The following RNF182 variants were observed in gnomAD, a reference collection of about 807,000 sequenced individuals.
The protein encoded by RNF182 is E3 ubiquitin-protein ligase RNF182.
In RNF182, 15 loss-of-function variants were observed where a neutral mutation model predicts 14.4. The observed-to-expected ratio is 1.04, with a 90% CI of 0.70 to 1.60. The LOEUF (loss-of-function observed/expected upper bound fraction) is 1.60, where lower values mean the gene tolerates loss of function less well. RNF182 is among the 40% of genes most tolerant of loss of function. The probability of loss-of-function intolerance (pLI) is 0.00; values close to 1 mark genes in which losing one functional copy is unlikely to be tolerated. For synonymous variants in RNF182, 128 were observed against 122.9 expected (o/e 1.04, Z -0.27); for missense variants, 268 against 294.8 (o/e 0.91, Z 0.67).
chr6:13,942,923 C>A (rs1010341671), intron 1 of RNF182, among the ~76,000 whole-genome samples: 1 of 151,992 alleles, frequency 6.6e-6, no homozygotes, highest in Non-Finnish European at 1.5e-5. Flanking sequence ...ACTTATACGC[C>A]ATAAAATTCA....
chr6:13,944,289 C>A (rs1266997667), intron 1 of RNF182, among the ~76,000 whole-genome samples: 1 of 152,156 alleles, frequency 6.6e-6, no homozygotes, highest in Non-Finnish European at 1.5e-5. Flanking sequence ...GTTATTTTGG[C>A]TTAAGAAATA....
At chr6:13,928,439 A>G (rs1437786739) in intron 1 of RNF182, among the ~76,000 whole-genome samples, 1 of 152,194 alleles carries the variant, frequency 6.6e-6, no homozygotes, top group East Asian at 1.9e-4. Flanking sequence ...TGTAATTCTT[A>G]ATGTATGATA....
At chr6:13,941,600 CT>C (rs1348851690) in intron 1 of RNF182, among the ~76,000 whole-genome samples, 5 of 151,868 alleles carry the variant, frequency 3.3e-5, no homozygotes, top group Admixed American at 6.6e-5. Flanking sequence ...CCTATCTGTT[CT>C]TTGTTCTTTT....
intron 1 of RNF182, among the ~76,000 whole-genome samples, chr6:13,967,053 G>T (rs925859716): frequency 6.6e-6 from 1 of 151,994 alleles, no homozygotes; most frequent in Non-Finnish European, 1.5e-5. Flanking sequence ...TCCTAGGCTG[G>T]TCTCCAACTC....
chr6:13,947,962 TAGAG>T, intron 1 of RNF182, among the ~76,000 whole-genome samples: 1 of 152,280 alleles, frequency 6.6e-6, no homozygotes, highest in South Asian at 2.1e-4. Flanking sequence ...AGAAATCAGG[TAGAG>T]AGAAAGAAAT....
intron 1 of RNF182, among the ~76,000 whole-genome samples, chr6:13,967,631 G>T (rs1760067542): frequency 6.6e-6 from 1 of 152,110 alleles, no homozygotes; most frequent in Non-Finnish European, 1.5e-5. Context: ...TATAGATTTT[G>T]TTCTCTGATC....
rs150879763 is a variant in RNF182 at position 13,977,976 on chromosome 6, CA to C, written c.*117del. The C allele has an allele frequency of 2.5e-3, 2,908 of 1,184,594 alleles. 56 individuals carry two copies. The East Asian group carries it at 0.052, about 21-fold the overall frequency. The allele number at this position is 1,184,594 out of a possible 1,614,324, so 73.4% of individuals were successfully genotyped here. Reference sequence around the variant, plus strand: ...TTATGATTAGTATCCATGACATTAACAAAACCCTTGGCCACATGTTGACTTG... The same window carrying C: ...TTATGATTAGTATCCATGACATTAACAAACCCTTGGCCACATGTTGACTTG... On this transcript the variant is annotated 3_prime_UTR_variant, in exon 3 of 3. Coordinates refer to ENST00000488300, the MANE Select transcript of RNF182 (RefSeq NM_152737.4).
At chr6:13,972,175 C>T (rs374564778) in intron 1 of RNF182, among the ~76,000 whole-genome samples, 23 of 151,514 alleles carry the variant, frequency 1.5e-4, no homozygotes, top group African/African-American at 4.9e-4. Flanking sequence ...CATGGTGGAA[C>T]GCGCCTGTAG....
At chr6:13,959,156 G>A (rs1019438493) in intron 1 of RNF182, among the ~76,000 whole-genome samples, 4 of 152,116 alleles carry the variant, frequency 2.6e-5, no homozygotes, top group African/African-American at 7.2e-5. Context: ...TTTACCCAGC[G>A]TCAAGGTATT....
At position 13,977,375 on chromosome 6, in the gene RNF182, A is replaced by C; in HGVS notation, c.256A>C (p.Asn86His). 6.2e-7 allele frequency: 1 copy of C among 1,614,182 alleles called. No individual in the cohort carries two copies. The highest frequency in any genetic ancestry group is 8.5e-7 in the Non-Finnish European group (1 of 1,180,012). ...DEVSSLPDDN[N>H]ILVNLTCGGK... ...AGTTAGTAGCCTGCCCGATGACAACAACATCCTTGTAAACTTGACTTGTGG... is the reference window on the plus strand; with the variant it reads ...AGTTAGTAGCCTGCCCGATGACAACCACATCCTTGTAAACTTGACTTGTGG... The change falls in exon 3 of 3, where the codon AAC (asparagine) becomes CAC (histidine). Residue 86 changes from asparagine (N) to histidine (H), a missense_variant. Asn to His is a moderately conservative substitution (Grantham distance 68). Transcript: ENST00000488300.
intron 1 of RNF182, among the ~76,000 whole-genome samples, chr6:13,960,698 C>CGCGT (rs1759857368): frequency 1.9e-5 from 1 of 53,072 alleles, no homozygotes; most frequent in East Asian, 5.6e-4. Context: ...TGTGTGCGCG[C>CGCGT]GTGCACATGC....
chr6:13,966,546 T>G (rs1164172075), intron 1 of RNF182, among the ~76,000 whole-genome samples: 3 of 152,124 alleles, frequency 2.0e-5, no homozygotes, highest in Admixed American at 1.3e-4. Context: ...GTGGATCGCT[T>G]GAGTACAGGA....
chr6:13,961,214 C>T (rs1759875205), intron 1 of RNF182, among the ~76,000 whole-genome samples: 1 of 152,288 alleles, frequency 6.6e-6, no homozygotes, highest in East Asian at 1.9e-4. Context: ...AACCTGTATA[C>T]CTTCTGATAC....
chr6:13,958,341 G>C (rs929918854), intron 1 of RNF182, among the ~76,000 whole-genome samples: 2 of 151,984 alleles, frequency 1.3e-5, no homozygotes, highest in African/African-American at 2.4e-5. Flanking sequence ...AGCCGAGATT[G>C]CACCACTGCA....
At position 13,977,558 on chromosome 6, in the gene RNF182, A is replaced by G. The variant is rs769013783; in HGVS notation, c.439A>G (p.Thr147Ala). Reference sequence around the variant, plus strand: ...AGAGAGCTCCCCGTCCCTGAGCTCCACTCCTGTGGTAGAATTTTATAGGCC... The same window carrying G: ...AGAGAGCTCCCCGTCCCTGAGCTCCGCTCCTGTGGTAGAATTTTATAGGCC... ...QRESSPSLSS[T>A]PVVEFYRPAS... The change falls in exon 3 of 3, where the codon ACT becomes GCT. Residue 147 changes from threonine to alanine, a missense_variant. Thr to Ala is a moderately conservative substitution (Grantham distance 58). Transcript: ENST00000488300. The G allele has an allele frequency of 6.2e-7, 1 of 1,613,806 alleles. No individual in the cohort carries two copies. The highest frequency in any genetic ancestry group is 2.2e-5 in the East Asian group (1 of 44,844).
chr6:13,943,111 C>T (rs1306529319), intron 1 of RNF182, among the ~76,000 whole-genome samples: 1 of 152,294 alleles, frequency 6.6e-6, no homozygotes, highest in African/African-American at 2.4e-5. Flanking sequence ...ATACTAATGG[C>T]TACCTTATCT....
At chr6:13,970,255 T>C (rs1760142183) in intron 1 of RNF182, among the ~76,000 whole-genome samples, 1 of 152,196 alleles carries the variant, frequency 6.6e-6, no homozygotes, top group Admixed American at 6.5e-5. Context: ...TCTATCTGAT[T>C]GTATGTTTGT....
intron 1 of RNF182, among the ~76,000 whole-genome samples, chr6:13,931,534 A>G (rs547659782): frequency 6.6e-6 from 1 of 152,204 alleles, no homozygotes; most frequent in East Asian, 1.9e-4. Flanking sequence ...CCTGGTGCAT[A>G]CTTTCCTTGA....
At chr6:13,949,614 T>C (rs1187581769) in intron 1 of RNF182, 3 of 386,448 alleles carry the variant, frequency 7.8e-6, no homozygotes, top group African/African-American at 2.1e-5. Context: ...AAAACTGATA[T>C]GACGATGATT....
Sources: gnomAD v4.1 joint callset for allele counts (sites outside exome capture counted in the v4.1 genomes callset) on GRCh38, gnomAD v4.1.1 for gene constraint, MANE v1.5 for transcripts, NCBI Gene and HGNC (gene_info 2026-07-23, HGNC 2026-07-21) for gene names.